Variants in RNF10 observed in about 807,000 individuals in gnomAD.
RNF10 encodes ring finger protein 10.
Under a neutral mutation model 91.4 loss-of-function variants are expected in RNF10, and 38 were observed. The ratio of observed to expected loss-of-function variants is 0.42; its 90% CI spans 0.32 to 0.54. RNF10 has a LOEUF of 0.54. Ranked by LOEUF, RNF10 falls within the 20% of genes least tolerant of loss-of-function variation. RNF10 has a pLI of 0.16. For missense variants in RNF10, 945 were observed against 1,012.0 expected (o/e 0.93, Z 0.90); for synonymous variants, 364 against 366.3 (o/e 0.99, Z 0.07).
intron 1 of RNF10, among the ~76,000 whole-genome samples, chr12:120,542,259 G>A (rs528381137): frequency 6.6e-6 from 1 of 152,252 alleles, no homozygotes; most frequent in African/African-American, 2.4e-5. Flanking sequence ...CTTGGCTTAA[G>A]CAATCCTTCC....
chr12:120,549,855 T>G (rs76237390), intron 2 of RNF10, among the ~76,000 whole-genome samples: 2,969 of 152,152 alleles, frequency 0.02, 96 homozygotes, highest in African/African-American at 0.067. Flanking sequence ...GACCACAGGA[T>G]CTAAGCCAAA....
intron 1 of RNF10, among the ~76,000 whole-genome samples, chr12:120,545,685 C>A (rs1872222086): frequency 6.6e-6 from 1 of 152,064 alleles, no homozygotes; most frequent in Non-Finnish European, 1.5e-5. Flanking sequence ...TTATAGGTGC[C>A]CGCCACCATG....
At chr12:120,562,429 C>G (rs961489770) in intron 7 of RNF10, among the ~76,000 whole-genome samples, 2 of 151,784 alleles carry the variant, frequency 1.3e-5, no homozygotes, top group Admixed American at 1.3e-4. Flanking sequence ...CATGCCCCAC[C>G]ATGCCTGGGT....
intron 4 of RNF10, 120 bp downstream of exon 4, chr12:120,554,928 A>G (rs1380668341): frequency 8.9e-6 from 7 of 784,474 alleles, no homozygotes; most frequent in African/African-American, 3.5e-5. Flanking sequence ...TGGCCTTTCT[A>G]TAGATGTTTC....
intron 8 of RNF10, 54 bp downstream of exon 8, chr12:120,563,124 G>A: frequency 6.2e-7 from 1 of 1,611,588 alleles, no homozygotes; most frequent in African/African-American, 1.3e-5. Flanking sequence ...CTGTCATTGA[G>A]CTGGTAGGCA....
chr12:120,565,038 C>A, intron 10 of RNF10, 34 bp from the exon 11 acceptor site: 1 of 1,470,396 alleles, frequency 6.8e-7, no homozygotes, highest in Non-Finnish European at 9.5e-7. Context: ...GTTAGGCTTG[C>A]TTTTGTTGAG....
intron 3 of RNF10, among the ~76,000 whole-genome samples, chr12:120,553,401 C>CT (rs1243050601): frequency 0.12 from 11,193 of 95,040 alleles, 703 homozygotes; most frequent in Non-Finnish European, 0.13. Flanking sequence ...AAGAGGAATT[C>CT]TTTTTTTTTT....
chr12:120,535,627 C>G (rs1479422220), intron 1 of RNF10: 1 of 152,160 alleles, frequency 6.6e-6, no homozygotes, highest in Non-Finnish European at 1.5e-5. Flanking sequence ...AAAAACAAAA[C>G]AAATGAACTA....
chr12:120,540,565 G>T (rs1871403140), intron 1 of RNF10, among the ~76,000 whole-genome samples: 1 of 152,094 alleles, frequency 6.6e-6, no homozygotes, highest in Non-Finnish European at 1.5e-5. Context: ...AGGCCTGATG[G>T]TACCTTCAAC....
At chr12:120,553,691 C>T (rs1289979280) in intron 3 of RNF10, among the ~76,000 whole-genome samples, 2 of 152,044 alleles carry the variant, frequency 1.3e-5, no homozygotes, top group Non-Finnish European at 2.9e-5. Context: ...GCGTGAGCCA[C>T]GGCACCCAAC....
At position 120,572,491 on chromosome 12, in the gene RNF10, T is replaced by C. The variant is rs77368762; in HGVS notation, c.2142+1200T>C. Among the ~76,000 whole-genome samples, 920 of 152,228 alleles carry C rather than the reference T, an allele frequency of 6.0e-3. 32 individuals are homozygous for C. In the East Asian group the frequency reaches 0.07, roughly 12 times the overall value. Reference sequence around the variant, plus strand: ...CCGAAGTCAAGGAACATGAAATAATTGTGGAGGTGAGGTGAGAAGAGAGGG... The same window carrying C: ...CCGAAGTCAAGGAACATGAAATAATCGTGGAGGTGAGGTGAGAAGAGAGGG... On this transcript the variant is annotated intron_variant, in intron 14 of 16. Coordinates refer to ENST00000325954, the MANE Select transcript of RNF10 (RefSeq NM_014868.5).
intron 13 of RNF10, 103 bp downstream of exon 13, chr12:120,567,083 C>T: frequency 4.5e-6 from 5 of 1,118,328 alleles, no homozygotes; most frequent in Non-Finnish European, 6.4e-6. Context: ...GTGTGGACTT[C>T]AGGGGCATAA....
chr12:120,576,303 CA>C (rs1205597215), intron 16 of RNF10, among the ~76,000 whole-genome samples: 2 of 152,222 alleles, frequency 1.3e-5, no homozygotes, highest in Non-Finnish European at 2.9e-5. Flanking sequence ...ACAAGAATCA[CA>C]TATGTATGGC....
Position 120,575,844 on chromosome 12 carries a change from T to C in RNF10, c.2253T>C (p.Asp751=). ...PAPVDSDGES[D]NSDRVPVPSF... is the part of the protein sequence containing the mutation. ...CTGTGGACAGCGACGGGGAGAGTGA[T>C]AATTCAGACCGTGTTCCTGTGCCCA... Residue 751 remains aspartate (D), a synonymous_variant, in exon 16 of 17, where the codon GAT becomes GAC. Coordinates refer to ENST00000325954, the MANE Select transcript of RNF10 (RefSeq NM_014868.5). The C allele has an allele frequency of 6.2e-7, 1 of 1,614,186 alleles. No homozygotes were observed. The highest frequency in any genetic ancestry group is 8.5e-7 in the Non-Finnish European group (1 of 1,180,028).
In RNF10 at chr12:120,557,420, A is replaced by G; in HGVS notation, c.784A>G (p.Lys262Glu). Reference protein sequence around the residue: ...YLSLSEKTWSKCPICYSSVHK... With the variant: ...YLSLSEKTWSECPICYSSVHK... ...TTCACTGAGTGAGAAGACGTGGAGTAAATGTCCCATCTGTTACAGTTCTGT... is the reference window on the plus strand; with the variant it reads ...TTCACTGAGTGAGAAGACGTGGAGTGAATGTCCCATCTGTTACAGTTCTGT... Residue 262 changes from lysine to glutamate, a missense_variant, in exon 5 of 17, where the codon AAA becomes GAA. Coordinates refer to ENST00000325954, the MANE Select transcript of RNF10 (RefSeq NM_014868.5). The G allele has an allele frequency of 1.2e-6, 2 of 1,614,200 alleles. No homozygotes were observed. The highest frequency in any genetic ancestry group is 1.7e-6 in the Non-Finnish European group (2 of 1,180,036).
intron 2 of RNF10, among the ~76,000 whole-genome samples, chr12:120,550,992 TTTA>T (rs1168488478): frequency 6.6e-6 from 1 of 151,850 alleles, no homozygotes; most frequent in Admixed American, 6.6e-5. Context: ...TTATTTTTAA[TTTA>T]TTATTTTTGA....
At chr12:120,548,003 G>A (rs1872558203) in intron 2 of RNF10, among the ~76,000 whole-genome samples, 1 of 152,162 alleles carries the variant, frequency 6.6e-6, no homozygotes, top group South Asian at 2.1e-4. Flanking sequence ...AAGACTTTTT[G>A]TTAGATGTGG....
At position 120,563,879 on chromosome 12, in the gene RNF10, T is replaced by A; in HGVS notation, c.1601T>A (p.Leu534Gln). 1 of 1,614,150 alleles carries A rather than the reference T, an allele frequency of 6.2e-7. No homozygotes were observed. Among genetic ancestry groups the A allele is most frequent in the Non-Finnish European group, 8.5e-7 (1 of 1,180,024 alleles). Reference protein sequence around the residue: ...VRCLVREYGSLERSPEKISAT... With the variant: ...VRCLVREYGSQERSPEKISAT... The stretch of plus-strand genomic sequence containing the variant: ...TGCCTCGTGCGGGAGTACGGCAGCC[T>A]GGAGAGGAGCCCCGAGAAGATCTCA... The change falls in exon 10 of 17, where the codon CTG (leucine) becomes CAG (glutamine). Residue 534 changes from leucine (L) to glutamine (Q), a missense_variant. Leu to Gln is a moderately radical substitution (Grantham distance 113). Transcript: ENST00000325954.
In RNF10 at chr12:120,569,533, TGCA is replaced by T. The variant is rs1247805243; in HGVS notation, c.2042-1657_2042-1655del. 2.5e-3 allele frequency among the ~76,000 whole-genome samples: 300 copies of T among 118,542 alleles called. 2 individuals carry two copies. Among genetic ancestry groups the T allele is most frequent in the Middle Eastern group, 0.015 (4 of 268 alleles). The allele number at this position is 118,542 out of a possible 152,430, so 77.8% of individuals were successfully genotyped here. A position where few individuals can be genotyped will look rare whatever the true frequency, so the allele number is the denominator to read the frequency against. On this transcript the variant is annotated intron_variant, in intron 13 of 16. Coordinates refer to ENST00000325954, the MANE Select transcript of RNF10 (RefSeq NM_014868.5). ...ATCATTAAATACATTATTTGTGATA[TGCA>T]TCTTTTTTTTTTTGAGACAGGGTCT...
Sources: allele counts gnomAD v4.1 joint callset (sites outside exome capture counted in the v4.1 genomes callset), GRCh38; gene constraint gnomAD v4.1.1; transcripts MANE v1.5; gene names NCBI Gene and HGNC (gene_info 2026-07-23, HGNC 2026-07-21).